Variants in DUOX2 observed in about 807,000 individuals in gnomAD.
DUOX2 encodes the protein NADH/NADPH thyroid oxidase p138-tox.
DUOX2 carries 185 observed loss-of-function variants against 183.3 expected under a neutral mutation model. The observed-to-expected ratio is 1.01, with a 90% CI of 0.90 to 1.14. The LOEUF is 1.14. Among genes scored for constraint, DUOX2 ranks in the 50% most tolerant of loss-of-function variants. The pLI is 0.00. For synonymous variants in DUOX2, 788 were observed against 812.4 expected (o/e 0.97, Z 0.51); for missense variants, 1,999 against 2,022.9 (o/e 0.99, Z 0.23).
At chr15:45,105,582 A>C (rs1894189049) in intron 18 of DUOX2, 61 bp downstream of exon 18, 2 of 1,605,088 alleles carry the variant, frequency 1.2e-6, no homozygotes, top group South Asian at 2.2e-5. Context: ...CGTTCTATGC[A>C]GCCCAGGTTT....
chr15:45,107,280 C>T (rs189443607), intron 14 of DUOX2, 65 bp downstream of exon 14: 43 of 1,591,576 alleles, frequency 2.7e-5, no homozygotes, highest in African/African-American at 5.4e-5. Context: ...GTGATTCCCC[C>T]GCACCCTCAA....
chr15:45,098,043 C>T lies in DUOX2; in HGVS notation c.3531G>A (p.Gln1177=). 1 of 1,614,120 alleles carries T rather than the reference C, an allele frequency of 6.2e-7. No homozygotes were observed. The highest frequency in any genetic ancestry group is 8.5e-7 in the Non-Finnish European group (1 of 1,179,982). ...VFVNDGSKLP[Q]KFYWWFFQTV... ...TCTGGAAGAACCACCAATAGAACTT[C>T]TGGGGAAGCTTGGACCTGGGGGGCA... Residue 1177 remains glutamine, a synonymous_variant, in exon 27 of 34, where the codon CAG becomes CAA. Coordinates refer to ENST00000389039, the MANE Select transcript of DUOX2 (RefSeq NM_001363711.2).
chr15:45,102,063 G>T, intron 20 of DUOX2, 74 bp from the exon 21 acceptor site: 2 of 1,558,920 alleles, frequency 1.3e-6, no homozygotes, highest in Non-Finnish European at 1.7e-6. Flanking sequence ...GGTGGGGCAG[G>T]CCCCAGATTA....
rs886051192 is a variant in DUOX2 at position 45,099,489 on chromosome 15, G to C, written c.3416-7C>G. On this transcript the variant is annotated splice_polypyrimidine_tract_variant and splice_region_variant and intron_variant, in intron 25 of 33. Coordinates refer to ENST00000389039, the MANE Select transcript of DUOX2 (RefSeq NM_001363711.2). ...TGGCCAGCACTGTGCAAAACTGGAA[G>C]AGACAGACCCTGTTAGAGATGCCAA... 2 of 1,613,552 alleles carry C rather than the reference G, an allele frequency of 1.2e-6. No individual in the cohort carries two copies. Among genetic ancestry groups the C allele is most frequent in the Non-Finnish European group, 1.7e-6 (2 of 1,179,834 alleles).
At position 45,094,118 on chromosome 15, in the gene DUOX2, G is replaced by A; in HGVS notation, c.*32C>T. 1 of 1,614,148 alleles carries A rather than the reference G, an allele frequency of 6.2e-7. No individual in the cohort carries two copies. ...CTTAGGTGCACAGAAGAGAAGGCAG[G>A]ATACTGGAAGCAGCAGCCAGGGAGG... On this transcript the variant is annotated 3_prime_UTR_variant, in exon 34 of 34. Coordinates refer to ENST00000389039, the MANE Select transcript of DUOX2 (RefSeq NM_001363711.2).
chr15:45,110,407 C>G, intron 9 of DUOX2, 21 bp downstream of exon 9: 4 of 1,606,912 alleles, frequency 2.5e-6, no homozygotes, highest in Non-Finnish European at 3.4e-6. Context: ...TGGTGCCCCT[C>G]TCTGCCAACC....
At chr15:45,104,453 A>G in intron 18 of DUOX2, 88 bp from the exon 19 acceptor site, 2 of 1,520,826 alleles carry the variant, frequency 1.3e-6, no homozygotes, top group South Asian at 1.2e-5. Flanking sequence ...TATCTCCCCA[A>G]AGTCCAAATC....
Position 45,094,568 on chromosome 15 carries a change from G to T in DUOX2, c.4519C>A (p.Pro1507Thr), listed in dbSNP as rs1893849777. The T allele has an allele frequency of 1.9e-6, 3 of 1,613,434 alleles. No individual in the cohort carries two copies. Among genetic ancestry groups the T allele is most frequent in the Non-Finnish European group, 1.7e-6 (2 of 1,179,772 alleles). The change falls in exon 33 of 34, where the codon CCA becomes ACA. Residue 1507 changes from proline to threonine, a missense_variant. This residue lies in a region of DUOX2 where 1,628 missense variants were observed against 1,608.6 expected (regional missense o/e 1.01). Transcript: ENST00000389039. Reference protein sequence around the residue: ...PFFNSLQEVHPQVRKIGVFSC... With the variant: ...PFFNSLQEVHTQVRKIGVFSC... ...TGGGAGGGAGTGGGACTGACCTGTG[G>T]GTGGACCTCCTGCAGGGAGTTGAAG...
rs753958233 is a variant in DUOX2, at chr15:45,108,962, AGAG to A, written c.1235-13_1235-11del. The A allele has an allele frequency of 3.1e-6, 5 of 1,613,966 alleles. No individual in the cohort carries two copies. In the African/African-American group the frequency reaches 6.7e-5, roughly 22 times the overall value. ...GGGCCAGGCCAGTAATCTGAAGAGG[AGAG>A]AAGACTAGACTATGGGCTTTGTCCT... On this transcript the variant is annotated splice_polypyrimidine_tract_variant and intron_variant, in intron 11 of 33. Transcript: ENST00000389039.
Position 45,108,056 on chromosome 15 carries a change from G to A in DUOX2, c.1565C>T (p.Thr522Ile), listed in dbSNP as rs748705338. Residue 522 changes from threonine to isoleucine, a missense_variant, in exon 13 of 34, where the codon ACC (threonine) becomes ATC (isoleucine). Around this residue, in one of 3 missense-constraint regions of DUOX2, gnomAD observed 1,628 missense variants for 1,608.6 expected, o/e 1.01. Coordinates refer to ENST00000389039, the MANE Select transcript of DUOX2 (RefSeq NM_001363711.2). ...RDGDRYWFENTRNGLFSKKEI... is the reference protein window; with the variant it reads ...RDGDRYWFENIRNGLFSKKEI... ...CCCAGGCAAGCCTTACCCATTCCTG[G>A]TGTTCTCAAACCAGTAGCGGTCACC... 6 of 1,613,948 alleles carry A rather than the reference G, an allele frequency of 3.7e-6. No individual in the cohort carries two copies. In the Admixed American group the frequency reaches 6.7e-5, roughly 18 times the overall value.
chr15:45,111,904 G>A lies in DUOX2; in HGVS notation c.377C>T (p.Ala126Val), dbSNP rs768688870. The A allele has an allele frequency of 4.3e-6, 7 of 1,613,876 alleles. No homozygotes were observed. The East Asian group carries it at 1.3e-4, about 31-fold the overall frequency. The change falls in exon 5 of 34, where the codon GCC becomes GTC. Residue 126 changes from alanine (A) to valine (V), a missense_variant. Physicochemically the swap from Ala to Val is moderately conservative, Grantham distance 64. Around this residue, in one of 3 missense-constraint regions of DUOX2, gnomAD observed 356 missense variants for 356.4 expected, o/e 1.00. Transcript: ENST00000389039. ...VVSVETPGCP[A>V]EFLNIRIPPG... ...TGGGATGCGGATGTTGAGGAACTCG[G>A]CGGGGCAACCGGGCGTTTCCACGCT...
rs753880185 is a variant in DUOX2 at position 45,111,497 on chromosome 15, C to G, written c.602G>C (p.Gly201Ala). ...GGGGTCGGGCCCCGACGCCAGCTGT[C>G]CCCCCGAGAAGCTCCGCAGCGCGTC... ...WSDALRSFSG[G>A]QLASGPDPAF... Residue 201 changes from glycine to alanine, a missense_variant, in exon 6 of 34, where the codon GGA (glycine) becomes GCA (alanine). Coordinates refer to ENST00000389039, the MANE Select transcript of DUOX2 (RefSeq NM_001363711.2). 1.9e-6 allele frequency: 3 copies of G among 1,551,580 alleles called. No individual in the cohort carries two copies. The highest frequency in any genetic ancestry group is 2.6e-6 in the Non-Finnish European group (3 of 1,151,054).
At chr15:45,106,043 T>C (rs1363127610) in intron 17 of DUOX2, 82 bp downstream of exon 17, 6 of 1,520,808 alleles carry the variant, frequency 3.9e-6, no homozygotes, top group Middle Eastern at 2.0e-4. Context: ...TTGAGCTCTG[T>C]AGCTGAGGAT....
rs531536885 is a variant in DUOX2, at chr15:45,099,749, G to T, written c.3328C>A (p.Arg1110=). The T allele has an allele frequency of 6.2e-7, 1 of 1,614,190 alleles. No homozygotes were observed. The change falls in exon 25 of 34, where the codon CGA becomes AGA. Residue 1110 remains arginine (R), a synonymous_variant. Transcript: ENST00000389039. ...ACATAGCGGTTGAGGAAAGTCTCTC[G>T]CAGGAAGGTTATGAGGTTGCGGCAC... ...TMCRNLITFL[R]ETFLNRYVPF...
rs1894045404 is a variant in DUOX2, at chr15:45,100,245, C to T, written c.3006-17G>A. ...ACTGCTGCCCTATAGCAAGGGGAGG[C>T]AGGGCAGCAGTGTGGTAAGGGCCCT... On this transcript the variant is annotated splice_polypyrimidine_tract_variant and intron_variant, in intron 23 of 33. Transcript: ENST00000389039. 1 of 1,609,980 alleles carries T rather than the reference C, an allele frequency of 6.2e-7. No homozygotes were observed. The highest frequency in any genetic ancestry group is 8.5e-7 in the Non-Finnish European group (1 of 1,178,518).
At chr15:45,097,776 C>T in intron 27 of DUOX2, 35 bp from the exon 28 acceptor site, 1 of 1,614,080 alleles carries the variant, frequency 6.2e-7, no homozygotes, top group Non-Finnish European at 8.5e-7. Context: ...TGAGTAGTCT[C>T]AGGACTTCAG....
chr15:45,112,523 C>T (rs749131468), intron 4 of DUOX2, 31 bp downstream of exon 4: 16 of 1,607,176 alleles, frequency 1.0e-5, no homozygotes, highest in Non-Finnish European at 1.3e-5. Context: ...AGCGCCAGAT[C>T]AACCCCACTG....
Position 45,106,956 on chromosome 15 carries a change from A to G in DUOX2, c.1707T>C (p.Pro569=). The change falls in exon 15 of 34, where the codon CCT becomes CCC. Residue 569 remains proline, a synonymous_variant. Coordinates refer to ENST00000389039, the MANE Select transcript of DUOX2 (RefSeq NM_001363711.2). ...CGTCAGTTGTGAGCTGCTTAGGTTG[A>G]GGGCAGGGTGCACCTGAGGGAGAGG... The part of the protein sequence containing the change: ...VFVWHKGAPC[P]QPKQLTTDGL... 1 of 1,577,280 alleles carries G rather than the reference A, an allele frequency of 6.3e-7. No individual in the cohort carries two copies. The highest frequency in any genetic ancestry group is 1.2e-5 in the South Asian group (1 of 85,822).
chr15:45,113,036 G>A lies in DUOX2; in HGVS notation c.111C>T (p.Arg37=), dbSNP rs769845714. 3 of 1,614,030 alleles carry A rather than the reference G, an allele frequency of 1.9e-6. No homozygotes were observed. Among genetic ancestry groups the A allele is most frequent in the Non-Finnish European group, 8.5e-7 (1 of 1,180,024 alleles). ...TCAGGTTGTTAAACCAGCCGTCATA[G>A]CGCTGCACTTCCCAGGGCAGTGAGA... ...DALSLPWEVQ[R]YDGWFNNLRH... is the part of the protein sequence containing the mutation. Residue 37 remains arginine (R), a synonymous_variant, in exon 3 of 34, where the codon CGC becomes CGT. Coordinates refer to ENST00000389039, the MANE Select transcript of DUOX2 (RefSeq NM_001363711.2).
Sources: gnomAD v4.1 joint callset for allele counts on GRCh38, gnomAD v4.1.1 for gene constraint, gnomAD v4.1.1 regional missense constraint, MANE v1.5 for transcripts, NCBI Gene and HGNC (gene_info 2026-07-23, HGNC 2026-07-21) for gene names.